ZNF608: variants seen among roughly 807,000 people sequenced by gnomAD.
ZNF608 encodes zinc finger protein 608.
A neutral mutation model predicts 109.0 loss-of-function variants in ZNF608; 12 were observed. The ratio of observed to expected loss-of-function variants is 0.11; its 90% CI spans 0.07 to 0.18. The LOEUF (loss-of-function observed/expected upper bound fraction) is 0.18. Among genes scored for constraint, ZNF608 ranks in the 10% least tolerant of loss-of-function variants. The pLI, the probability that ZNF608 is intolerant of heterozygous loss-of-function variation, is 1.00. For synonymous variants in ZNF608, 732 were observed against 717.4 expected, an observed-to-expected ratio of 1.02 and a Z score of -0.33; for missense variants, 1,707 against 1,879.3, an observed-to-expected ratio of 0.91 and a Z score of 1.70.
chr5:124,642,043 A>G (rs1403290928), intron 7 of ZNF608, among the ~76,000 whole-genome samples: 1 of 152,218 alleles, frequency 6.6e-6, no homozygotes, highest in Non-Finnish European at 1.5e-5. Context: ...AACTAAAGTT[A>G]TACTTCTCAC....
chr5:124,703,054 T>C (rs998656436), intron 2 of ZNF608, among the ~76,000 whole-genome samples: 3 of 151,894 alleles, frequency 2.0e-5, no homozygotes, highest in Admixed American at 6.6e-5. Context: ...TTTCCAGAAT[T>C]AAAAGTAAAG....
intron 3 of ZNF608, among the ~76,000 whole-genome samples, chr5:124,684,893 G>A (rs1026158352): frequency 2.0e-5 from 3 of 152,182 alleles, no homozygotes; most frequent in African/African-American, 7.2e-5. Flanking sequence ...GAACTGTTGA[G>A]GATTCTGCAA....
chr5:124,648,022 T>A lies in ZNF608; in HGVS notation c.2362A>T (p.Ile788Phe). 6.2e-7 allele frequency: 1 copy of A among 1,614,170 alleles called. No homozygotes were observed. The highest frequency in any genetic ancestry group is 8.5e-7 in the Non-Finnish European group (1 of 1,180,026). The change falls in exon 5 of 10, where the codon ATT (isoleucine) becomes TTT (phenylalanine). Residue 788 changes from isoleucine to phenylalanine, a missense_variant. By Grantham distance (21) the Ile-to-Phe change is conservative (BLOSUM62 0). Coordinates refer to ENST00000513986, the MANE Select transcript of ZNF608 (RefSeq NM_020747.3). ...ATPKSPPLKP[I>F]QPKPTIMGEP... ...CCCATAATTGTGGGCTTTGGTTGAA[T>A]GGGTTTTAACGGAGGACTCTTTGGT...
At chr5:124,723,096 T>C (rs1476849223) in intron 2 of ZNF608, among the ~76,000 whole-genome samples, 2 of 151,434 alleles carry the variant, frequency 1.3e-5, no homozygotes, top group Non-Finnish European at 2.9e-5. Context: ...AGTGGCACGA[T>C]CTTGGCTCAC....
intron 2 of ZNF608, chr5:124,708,858 C>T (rs1417243182): frequency 2.3e-6 from 1 of 435,672 alleles, no homozygotes; most frequent in Non-Finnish European, 4.6e-6. Context: ...GAACCCCCAC[C>T]ATGCCAAAAT....
At chr5:124,703,142 T>C (rs972669699) in intron 2 of ZNF608, among the ~76,000 whole-genome samples, 1 of 152,074 alleles carries the variant, frequency 6.6e-6, no homozygotes, top group African/African-American at 2.4e-5. Context: ...AGTTGTAAAC[T>C]GACTGCAATT....
In ZNF608 at chr5:124,744,038, G is replaced by T. The variant is rs1034482723; in HGVS notation, c.906+46C>A. ...CACACCCCCACACACCCACACAAAT[G>T]CACACAGAGGAGAGTAGGACATCTA... On this transcript the variant is annotated intron_variant, in intron 2 of 9. Transcript: ENST00000513986. This position sits in a 1 kb window ranked among gnomAD's most constrained non-coding sequence, Gnocchi z 4.5. The T allele has an allele frequency of 6.5e-7, 1 of 1,535,222 alleles. No homozygotes were observed. Among genetic ancestry groups the T allele is most frequent in the African/African-American group, 1.4e-5 (1 of 72,538 alleles).
chr5:124,703,671 G>T (rs1320117887), intron 2 of ZNF608, among the ~76,000 whole-genome samples: 2 of 152,144 alleles, frequency 1.3e-5, no homozygotes, highest in Admixed American at 1.3e-4. Flanking sequence ...GAGAGGCTGA[G>T]GTGGGAGGAA....
At chr5:124,706,234 C>G (rs1753255770) in intron 2 of ZNF608, among the ~76,000 whole-genome samples, 1 of 152,184 alleles carries the variant, frequency 6.6e-6, no homozygotes, top group African/African-American at 2.4e-5. Context: ...TTTGATCGCT[C>G]TGGGGAATCA....
chr5:124,645,448 G>C (rs995455839), intron 5 of ZNF608, among the ~76,000 whole-genome samples: 6 of 152,036 alleles, frequency 3.9e-5, no homozygotes, highest in African/African-American at 1.2e-4. Flanking sequence ...AAACCCACTG[G>C]GGATTCAGGT....
At chr5:124,666,474 T>C (rs1445554460) in intron 3 of ZNF608, 2 of 152,152 alleles carry the variant, frequency 1.3e-5, no homozygotes, top group South Asian at 4.1e-4. Context: ...TACCTCATGC[T>C]CTCCAAATAA....
chr5:124,669,875 A>G (rs1751644431), intron 3 of ZNF608, among the ~76,000 whole-genome samples: 2 of 152,226 alleles, frequency 1.3e-5, no homozygotes, highest in South Asian at 2.1e-4. Flanking sequence ...AAAAATGTAC[A>G]TTATACAAAC....
At chr5:124,651,931 T>C (rs1272703623) in intron 3 of ZNF608, among the ~76,000 whole-genome samples, 1 of 152,174 alleles carries the variant, frequency 6.6e-6, no homozygotes, top group Non-Finnish European at 1.5e-5. Context: ...CACAGGCTCA[T>C]TCGCACTAAC....
rs764049804 is a variant in ZNF608 at position 124,744,540 on chromosome 5, A to G, written c.450T>C (p.Asn150=). The change falls in exon 2 of 10, where the codon AAT becomes AAC. Residue 150 remains asparagine, a synonymous_variant. Transcript: ENST00000513986. The surrounding 1 kb of genome is among the most constrained non-coding windows in gnomAD (Gnocchi z 4.5). ...QGRPGEATGM[N]SALGQSVSSG... is the part of the protein sequence containing the mutation. ...TGCTCACACTTTGACCCAGCGCTGA[A>G]TTCATGCCAGTTGCCTCTCCAGGGC... is the stretch of plus-strand genomic sequence containing the variant. 1.9e-6 allele frequency: 3 copies of G among 1,614,084 alleles called. No individual in the cohort carries two copies. The highest frequency in any genetic ancestry group is 2.5e-6 in the Non-Finnish European group (3 of 1,180,006).
At chr5:124,694,944 G>A (rs1368571283) in intron 3 of ZNF608, among the ~76,000 whole-genome samples, 1 of 152,186 alleles carries the variant, frequency 6.6e-6, no homozygotes, top group African/African-American at 2.4e-5. Context: ...AATACAGAGT[G>A]GCACTAACTA....
chr5:124,665,178 C>T (rs1466828931), intron 3 of ZNF608, among the ~76,000 whole-genome samples: 1 of 143,602 alleles, frequency 7.0e-6, no homozygotes, highest in Non-Finnish European at 1.5e-5. Flanking sequence ...TCCACCTCCC[C>T]CCAAAAAAAA....
intron 3 of ZNF608, among the ~76,000 whole-genome samples, chr5:124,660,591 T>C (rs1433728410): frequency 6.6e-6 from 1 of 152,186 alleles, no homozygotes. Context: ...AGCATGTCTC[T>C]GGAGACAGAG....
intron 3 of ZNF608, among the ~76,000 whole-genome samples, chr5:124,659,023 A>G (rs1751134284): frequency 6.6e-6 from 1 of 152,118 alleles, no homozygotes; most frequent in South Asian, 2.1e-4. Flanking sequence ...GTCTGTCAAA[A>G]TGAGAGGGAA....
intron 7 of ZNF608, 23 bp from the exon 8 acceptor site, chr5:124,641,428 TCC>T: frequency 6.3e-7 from 1 of 1,593,088 alleles, no homozygotes; most frequent in Non-Finnish European, 8.6e-7. Flanking sequence ...AGAGAAATTT[TCC>T]CCCTTCATGC....
Sources: allele counts gnomAD v4.1 joint callset (sites outside exome capture counted in the v4.1 genomes callset), GRCh38; gene constraint gnomAD v4.1.1; non-coding constraint Gnocchi (gnomAD v3.1); transcripts MANE v1.5; gene names NCBI Gene and HGNC (gene_info 2026-07-23, HGNC 2026-07-21).